GALK1: variants seen among roughly 807,000 people sequenced by gnomAD.
GALK1 encodes galactokinase.
Under a neutral mutation model 38.6 loss-of-function variants are expected in GALK1, and 30 were observed. That is an observed-to-expected ratio of 0.78 (90% CI 0.58 to 1.05). The LOEUF (loss-of-function observed/expected upper bound fraction) is 1.05, where lower values mean the gene tolerates loss of function less well. GALK1 is among the 50% of genes least tolerant of loss of function. The pLI is 0.00. For missense variants in GALK1, 512 were observed against 540.5 expected (o/e 0.95, Z 0.52); for synonymous variants, 240 against 233.6 (o/e 1.03, Z -0.25).
chr17:75,754,609 T>TC (rs1568383298), downstream of GALK1: 5 of 1,613,856 alleles, frequency 3.1e-6, no homozygotes, highest in Admixed American at 6.7e-5. Flanking sequence ...GACTTTGCCT[T>TC]CCCGGGCAGC....
downstream of GALK1, chr17:75,754,942 GCACGCACA>G (rs949934408): frequency 6.6e-7 from 1 of 1,510,382 alleles, no homozygotes; most frequent in Non-Finnish European, 9.0e-7. Context: ...ATGCACACAT[GCACGCACA>G]CACGTGCACA....
chr17:75,762,061 A>G (rs2143599870), intron 5 of GALK1, among the ~76,000 whole-genome samples: 2 of 152,256 alleles, frequency 1.3e-5, no homozygotes, highest in East Asian at 3.9e-4. Context: ...GCAGTGGCTC[A>G]TGCCTATAAT....
chr17:75,763,067 G>C lies in GALK1; in HGVS notation c.558C>G (p.Asp186Glu). 1 of 1,612,922 alleles carries C rather than the reference G, an allele frequency of 6.2e-7. No homozygotes were observed. The change falls in exon 4 of 8, where the codon GAC becomes GAG. Residue 186 changes from aspartate (D) to glutamate (E), a missense_variant. Asp to Glu is a conservative substitution (Grantham distance 45, BLOSUM62 2). Transcript: ENST00000588479. ...TCTGTCCCATAAGTGAGATGAACTG[G>C]TCCATGATGCCACAGGGCATCCCTG... ...SFAGMPCGIM[D>E]QFISLMGQKG... is the part of the protein sequence containing the mutation.
rs2061595449 is a variant in GALK1, at chr17:75,763,198, T to C, written c.476-49A>G. On this transcript the variant is annotated intron_variant, in intron 3 of 7. Coordinates refer to ENST00000588479, the MANE Select transcript of GALK1 (RefSeq NM_000154.2). ...AGGCTAGGGCTGGTGGAAGCAGCAG[T>C]GGCTTCAATGACACTCCAGGGAGAG... 5 of 1,609,756 alleles carry C rather than the reference T, an allele frequency of 3.1e-6. No homozygotes were observed. In the East Asian group the frequency reaches 1.1e-4, roughly 36 times the overall value.
downstream of GALK1, chr17:75,756,829 C>T (rs1162837029): frequency 2.5e-6 from 4 of 1,612,438 alleles, no homozygotes; most frequent in Non-Finnish European, 3.4e-6. Context: ...CGTCGGCTAC[C>T]TGGTGACCTG....
In GALK1 at chr17:75,758,093, G is replaced by T; in HGVS notation, c.1142C>A (p.Ser381Tyr). 1 of 1,612,332 alleles carries T rather than the reference G, an allele frequency of 6.2e-7. No individual in the cohort carries two copies. The highest frequency in any genetic ancestry group is 8.5e-7 in the Non-Finnish European group (1 of 1,179,914). ...CACCTTGGCTCCATCGGCTGCTTGA[G>T]AGAGGTAGAAGGTGGCAGTCCCGCC... ...HYGGTATFYL[S>Y]QAADGAKVLC... The change falls in exon 8 of 8, where the codon TCT becomes TAT. Residue 381 changes from serine (S) to tyrosine (Y), a missense_variant. Physicochemically the swap from Ser to Tyr is moderately radical, Grantham distance 144. Coordinates refer to ENST00000588479, the MANE Select transcript of GALK1 (RefSeq NM_000154.2).
chr17:75,763,528 CG>C (rs1342230471), intron 2 of GALK1, 89 bp from the exon 3 acceptor site: 2 of 1,399,938 alleles, frequency 1.4e-6, no homozygotes, highest in Non-Finnish European at 2.0e-6. Flanking sequence ...AGGGCAGCAA[CG>C]GCCTAGCAGC....
intron 2 of GALK1, 48 bp downstream of exon 2, chr17:75,763,849 G>A: frequency 6.5e-7 from 1 of 1,535,272 alleles, no homozygotes; most frequent in Non-Finnish European, 9.0e-7. Context: ...GCTGTGAGGT[G>A]GCACTCCTAG....
downstream of GALK1, chr17:75,753,790 G>T: frequency 6.9e-7 from 1 of 1,457,520 alleles, no homozygotes; most frequent in African/African-American, 1.4e-5. Flanking sequence ...TCGAGCCCCT[G>T]CTGGGGGAGG....
chr17:75,754,953 CGTGCACACGCATGCACACAT>C (rs1396879888), downstream of GALK1: 2 of 1,432,248 alleles, frequency 1.4e-6, no homozygotes, highest in African/African-American at 3.6e-5. Context: ...CACGCACACA[CGTGCACACGCATGCACACAT>C]GTACACAGAC....
At chr17:75,755,008 G>A, downstream of GALK1, 1 of 1,576,154 alleles carries the variant, frequency 6.3e-7, no homozygotes, top group Admixed American at 1.8e-5. Context: ...GTACACACAT[G>A]CATGCACACT....
chr17:75,756,636 C>A, downstream of GALK1: 1 of 1,612,788 alleles, frequency 6.2e-7, no homozygotes, highest in Non-Finnish European at 8.5e-7. Context: ...CCTCCCCCAG[C>A]CCCAGAGCTG....
At chr17:75,759,252 AC>A (rs1422209011) in intron 5 of GALK1, among the ~76,000 whole-genome samples, 3 of 151,942 alleles carry the variant, frequency 2.0e-5, no homozygotes, top group African/African-American at 7.3e-5. Context: ...ACATGGCGAA[AC>A]CCCGTCTCTA....
downstream of GALK1, chr17:75,754,974 G>A: frequency 6.5e-7 from 1 of 1,536,626 alleles, no homozygotes; most frequent in Admixed American, 1.8e-5. Flanking sequence ...ATGCACACAT[G>A]TACACAGACA....
chr17:75,761,949 G>A (rs1188749694), intron 5 of GALK1, among the ~76,000 whole-genome samples: 1 of 152,134 alleles, frequency 6.6e-6, no homozygotes, highest in African/African-American at 2.4e-5. Context: ...GAACCCGGGA[G>A]GCAGAGGTTA....
intron 5 of GALK1, among the ~76,000 whole-genome samples, chr17:75,759,225 C>T (rs374887558): frequency 6.6e-6 from 1 of 151,972 alleles, no homozygotes; most frequent in African/African-American, 2.4e-5. Flanking sequence ...GTCAGGAGCT[C>T]GAGACCAGCC....
chr17:75,765,146 C>T lies in GALK1; in HGVS notation c.-10G>A. On this transcript the variant is annotated 5_prime_UTR_variant, in exon 1 of 8. Coordinates refer to ENST00000588479, the MANE Select transcript of GALK1 (RefSeq NM_000154.2). ...GTCTCAAAGCAGCCATGACGCGCGCCTGCAGCTCTGCACAGCTGCTCCGGC... is the reference window on the plus strand; with the variant it reads ...GTCTCAAAGCAGCCATGACGCGCGCTTGCAGCTCTGCACAGCTGCTCCGGC... 6.5e-7 allele frequency: 1 copy of T among 1,547,700 alleles called. No homozygotes were observed. Among genetic ancestry groups the T allele is most frequent in the South Asian group, 1.2e-5 (1 of 84,266 alleles).
downstream of GALK1, chr17:75,753,771 G>A (rs1268224993): frequency 4.8e-6 from 7 of 1,447,680 alleles, no homozygotes; most frequent in Non-Finnish European, 6.4e-6. Context: ...CAAGGCTGCG[G>A]CTGGAAGTTC....
At chr17:75,754,061 CG>C, downstream of GALK1, 6 of 609,954 alleles carry the variant, frequency 9.8e-6, no homozygotes, top group South Asian at 1.1e-4. Context: ...TGCGCTGCCT[CG>C]GGGGCCCCAG....
Sources: gnomAD v4.1 joint callset for allele counts (sites outside exome capture counted in the v4.1 genomes callset) on GRCh38, gnomAD v4.1.1 for gene constraint, MANE v1.5 for transcripts, NCBI Gene and HGNC (gene_info 2026-07-23, HGNC 2026-07-21) for gene names.